Variants in NRXN3 observed in about 807,000 individuals in gnomAD.
The protein encoded by NRXN3 is neurexin 3.
In NRXN3, 32 loss-of-function variants were observed where a neutral mutation model predicts 137.6. The observed-to-expected ratio is 0.23, with a 90% CI of 0.18 to 0.31. The LOEUF is 0.31. NRXN3 is among the 10% of genes least tolerant of loss of function. The pLI is 1.00. For missense variants in NRXN3, 1,574 were observed against 2,062.5 expected, an observed-to-expected ratio of 0.76 and a Z score of 4.59; for synonymous variants, 798 against 784.5, an observed-to-expected ratio of 1.02 and a Z score of -0.29.
intron 4 of NRXN3, among the ~76,000 whole-genome samples, chr14:78,353,396 G>T (rs1406976780): frequency 6.6e-6 from 1 of 152,166 alleles, no homozygotes; most frequent in Non-Finnish European, 1.5e-5. Flanking sequence ...TCTGTGTCTG[G>T]TGAGGGCCTG....
chr14:78,572,649 A>G (rs1255190611), intron 4 of NRXN3, among the ~76,000 whole-genome samples: 2 of 152,246 alleles, frequency 1.3e-5, no homozygotes, highest in Non-Finnish European at 2.9e-5. Context: ...GATATAGAGT[A>G]AGCTCAGTTG....
intron 16 of NRXN3, among the ~76,000 whole-genome samples, chr14:79,637,082 A>G (rs2098407774): frequency 6.6e-6 from 1 of 152,186 alleles, no homozygotes; most frequent in Non-Finnish European, 1.5e-5. Context: ...GGAGCCAGAA[A>G]GCCTGGGTGT....
chr14:78,431,300 G>A (rs114795332), intron 4 of NRXN3, among the ~76,000 whole-genome samples: 2,111 of 152,252 alleles, frequency 0.014, 44 homozygotes, highest in African/African-American at 0.048. Context: ...GGGAAACTAA[G>A]GTGAATTACT....
At chr14:78,264,624 C>T (rs1189634759) in intron 2 of NRXN3, among the ~76,000 whole-genome samples, 3 of 152,066 alleles carry the variant, frequency 2.0e-5, no homozygotes, top group South Asian at 2.1e-4. Flanking sequence ...TGCCCGTTCA[C>T]GTGTTCTTGT....
chr14:79,540,515 C>T (rs552685898), intron 16 of NRXN3, among the ~76,000 whole-genome samples: 10 of 152,208 alleles, frequency 6.6e-5, no homozygotes, highest in African/African-American at 1.4e-4. Context: ...AGTAGAACAC[C>T]GGAGCTTATT....
intron 16 of NRXN3, among the ~76,000 whole-genome samples, chr14:79,651,037 T>C (rs1211532018): frequency 6.6e-6 from 1 of 152,226 alleles, no homozygotes. Flanking sequence ...AGATTAAAGT[T>C]GTATTTAATG....
At chr14:78,766,583 G>A (rs2098709890) in intron 8 of NRXN3, among the ~76,000 whole-genome samples, 1 of 152,140 alleles carries the variant, frequency 6.6e-6, no homozygotes, top group Admixed American at 6.5e-5. Context: ...TCAACTTCTT[G>A]AACTCCCATA....
intron 4 of NRXN3, among the ~76,000 whole-genome samples, chr14:78,556,936 C>T (rs2096743684): frequency 9.8e-6 from 1 of 102,408 alleles, no homozygotes; most frequent in Non-Finnish European, 2.0e-5. Context: ...CCTCCCCTGC[C>T]TGTCCCCTCC....
At chr14:78,657,002 G>T (rs10141635) in intron 6 of NRXN3, among the ~76,000 whole-genome samples, 1 of 123,970 alleles carries the variant, frequency 8.1e-6, no homozygotes, top group African/African-American at 3.1e-5. Context: ...AGCCGAGATC[G>T]CACCACTGCA....
chr14:79,760,354 G>T (rs1353180351), intron 19 of NRXN3, among the ~76,000 whole-genome samples: 1 of 149,704 alleles, frequency 6.7e-6, no homozygotes, highest in Non-Finnish European at 1.5e-5. Context: ...TATTCCCTGA[G>T]ATTTAAAAAT....
At chr14:79,076,735 G>C (rs2046041868) in intron 15 of NRXN3, among the ~76,000 whole-genome samples, 1 of 152,194 alleles carries the variant, frequency 6.6e-6, no homozygotes, top group Non-Finnish European at 1.5e-5. Context: ...ATACCAGGAG[G>C]CTGAGACAGT....
Position 78,751,421 on chromosome 14 carries a change from G to T in NRXN3, c.2044+36282G>T, listed in dbSNP as rs142946865. ...ATTAACTCAGGGGAGGAGTCCAGCT[G>T]CTAATTCTTTTTTTTCTCCCTCCCT... On this transcript the variant is annotated intron_variant, in intron 8 of 20. Transcript: ENST00000335750. Among the ~76,000 whole-genome samples, 1,417 of 148,010 alleles carry T rather than the reference G, an allele frequency of 9.6e-3. 29 individuals carry two copies. The highest frequency in any genetic ancestry group is 0.032 in the African/African-American group (1,308 of 40,248).
chr14:79,847,416 C>G (rs1370696449), intron 20 of NRXN3, among the ~76,000 whole-genome samples: 1 of 152,100 alleles, frequency 6.6e-6, no homozygotes, highest in Admixed American at 6.5e-5. Flanking sequence ...AGATTGTATT[C>G]CTTTTTTGGC....
At chr14:78,195,480 CAATT>C (rs767344805) in intron 1 of NRXN3, among the ~76,000 whole-genome samples, 2 of 152,110 alleles carry the variant, frequency 1.3e-5, no homozygotes, top group African/African-American at 2.4e-5. Flanking sequence ...AAACACATAA[CAATT>C]AGATAATTTC....
At chr14:78,623,495 A>G (rs1428222554) in intron 4 of NRXN3, among the ~76,000 whole-genome samples, 1 of 152,256 alleles carries the variant, frequency 6.6e-6, no homozygotes, top group Non-Finnish European at 1.5e-5. Context: ...ATGCTACAGT[A>G]GATGCCATTC....
At chr14:79,304,395 G>T (rs1028315145) in intron 15 of NRXN3, among the ~76,000 whole-genome samples, 2 of 152,008 alleles carry the variant, frequency 1.3e-5, no homozygotes, top group Non-Finnish European at 2.9e-5. Context: ...ATGTTAGTGA[G>T]CAACAGTAAA....
intron 15 of NRXN3, among the ~76,000 whole-genome samples, chr14:79,360,952 A>G (rs1490705389): frequency 6.6e-6 from 1 of 152,206 alleles, no homozygotes; most frequent in Non-Finnish European, 1.5e-5. Flanking sequence ...TATTTGGACT[A>G]TTGTAGAATA....
intron 2 of NRXN3, among the ~76,000 whole-genome samples, chr14:78,271,969 T>C (rs987728418): frequency 3.9e-5 from 6 of 152,200 alleles, no homozygotes; most frequent in African/African-American, 1.4e-4. Flanking sequence ...TTTGCTTTAG[T>C]TCTTAACTGA....
intron 15 of NRXN3, among the ~76,000 whole-genome samples, chr14:79,385,212 C>CA (rs1210921509): frequency 1.4e-4 from 16 of 113,888 alleles, no homozygotes; most frequent in Non-Finnish European, 2.9e-4. Flanking sequence ...CTTCCCCCCG[C>CA]CCCCACCCCA....
Sources: allele counts gnomAD v4.1 joint callset (sites outside exome capture counted in the v4.1 genomes callset), GRCh38; gene constraint gnomAD v4.1.1; transcripts MANE v1.5; gene names NCBI Gene and HGNC (gene_info 2026-07-23, HGNC 2026-07-21).